The following HEMK2 variants were observed in gnomAD, a reference collection of about 807,000 sequenced individuals.
HEMK2 encodes the protein methyltransferase HEMK2.
chr21:28,601,114 C>T, the HEMK2 span, among the ~76,000 whole-genome samples: 2 of 152,214 alleles, frequency 1.3e-5, no homozygotes, highest in Non-Finnish European at 2.9e-5. Flanking sequence ...TACTTCCAAG[C>T]CACCGGTATC....
the HEMK2 span, chr21:28,879,780 A>G: frequency 3.2e-6 from 3 of 943,058 alleles, no homozygotes; most frequent in South Asian, 6.2e-5. Flanking sequence ...TGATAGCAGC[A>G]GCTGACTGAT....
the HEMK2 span, among the ~76,000 whole-genome samples, chr21:28,788,702 CT>C: frequency 7.2e-6 from 1 of 139,776 alleles, no homozygotes; most frequent in Admixed American, 7.5e-5. Context: ...TCTTTAGGTA[CT>C]CCAAAAAAAA....
At chr21:28,596,960 T>C in the HEMK2 span, among the ~76,000 whole-genome samples, 2 of 152,210 alleles carry the variant, frequency 1.3e-5, no homozygotes, top group Admixed American at 1.3e-4. Flanking sequence ...ATACATAATT[T>C]AGAAAGAATT....
the HEMK2 span, among the ~76,000 whole-genome samples, chr21:28,690,799 C>T: frequency 9.9e-5 from 15 of 152,106 alleles, no homozygotes; most frequent in Non-Finnish European, 1.8e-4. Context: ...GAAATCAACA[C>T]GTCTGTTACT....
At chr21:28,594,503 T>C in the HEMK2 span, among the ~76,000 whole-genome samples, 3 of 152,176 alleles carry the variant, frequency 2.0e-5, no homozygotes, top group Non-Finnish European at 4.4e-5. Flanking sequence ...AATAAAAAAT[T>C]AATTTTTATA....
chr21:28,845,687 ATTTT>A, the HEMK2 span, among the ~76,000 whole-genome samples: 2 of 146,340 alleles, frequency 1.4e-5, no homozygotes, highest in South Asian at 4.2e-4. Context: ...GTAAGTAGAA[ATTTT>A]TTTCTCACTT....
At chr21:28,693,611 C>T in the HEMK2 span, among the ~76,000 whole-genome samples, 1 of 152,156 alleles carries the variant, frequency 6.6e-6, no homozygotes, top group Non-Finnish European at 1.5e-5. Flanking sequence ...CCGCAGCCTG[C>T]CAAAATGAAG....
the HEMK2 span, among the ~76,000 whole-genome samples, chr21:28,627,909 T>G: frequency 6.6e-6 from 1 of 152,186 alleles, no homozygotes; most frequent in Admixed American, 6.5e-5. Context: ...AGTCTCTGAC[T>G]GGTTGCTGGC....
At chr21:28,600,500 T>A in the HEMK2 span, among the ~76,000 whole-genome samples, 3 of 152,172 alleles carry the variant, frequency 2.0e-5, no homozygotes, top group Non-Finnish European at 4.4e-5. Context: ...CCATGAAACC[T>A]TTTTTTCTTC....
the HEMK2 span, among the ~76,000 whole-genome samples, chr21:28,864,032 T>A: frequency 2.6e-5 from 4 of 152,282 alleles, no homozygotes; most frequent in East Asian, 7.8e-4. Flanking sequence ...GGTTTCACCA[T>A]GTTGGCCAGG....
chr21:28,634,413 AT>A, the HEMK2 span, among the ~76,000 whole-genome samples: 1 of 152,048 alleles, frequency 6.6e-6, no homozygotes, highest in Non-Finnish European at 1.5e-5. Context: ...TTTTCTCCCA[AT>A]TTTCCCCAAG....
chr21:28,755,987 C>T, the HEMK2 span, among the ~76,000 whole-genome samples: 1,530 of 152,296 alleles, frequency 0.01, 10 homozygotes, highest in Non-Finnish European at 0.013. Flanking sequence ...CCAATTTTCA[C>T]ATTTCTAAGG....
chr21:28,665,334 C>CTTTTTTTTT, the HEMK2 span, among the ~76,000 whole-genome samples: 5 of 36,688 alleles, frequency 1.4e-4, no homozygotes, highest in Admixed American at 3.9e-4. Context: ...ATTTATATTT[C>CTTTTTTTTT]TTTTTTTTTT....
the HEMK2 span, among the ~76,000 whole-genome samples, chr21:28,783,131 C>T: frequency 1.3e-5 from 2 of 151,982 alleles, no homozygotes; most frequent in South Asian, 2.1e-4. Context: ...GGGATGGGAC[C>T]CAAATCTAAA....
the HEMK2 span, among the ~76,000 whole-genome samples, chr21:28,768,715 C>T: frequency 6.6e-6 from 1 of 151,974 alleles, no homozygotes; most frequent in South Asian, 2.1e-4. Flanking sequence ...AAGGTCATTG[C>T]TCTAAGGTCC....
chr21:28,660,772 T>C, the HEMK2 span, among the ~76,000 whole-genome samples: 1 of 152,008 alleles, frequency 6.6e-6, no homozygotes, highest in Non-Finnish European at 1.5e-5. Flanking sequence ...GATGGCTGAT[T>C]GTTCCCCTAT....
chr21:28,732,901 C>T, the HEMK2 span, among the ~76,000 whole-genome samples: 4 of 152,128 alleles, frequency 2.6e-5, no homozygotes, highest in African/African-American at 9.7e-5. Flanking sequence ...CGGTAATACC[C>T]GGGTACCTCC....
the HEMK2 span, among the ~76,000 whole-genome samples, chr21:28,730,613 C>T: frequency 4.6e-5 from 7 of 152,086 alleles, no homozygotes; most frequent in Non-Finnish European, 1.0e-4. Flanking sequence ...TGAACTGAGG[C>T]CTCAGTTTCT....
the HEMK2 span, among the ~76,000 whole-genome samples, chr21:28,628,872 A>G: frequency 6.6e-6 from 1 of 152,354 alleles, no homozygotes; most frequent in East Asian, 1.9e-4. Context: ...CTCTGGCATT[A>G]ACTGTGTTCA....
Sources: gnomAD v4.1 joint callset for allele counts (sites outside exome capture counted in the v4.1 genomes callset) on GRCh38, gnomAD v4.1.1 for gene constraint, MANE v1.5 for transcripts, NCBI Gene and HGNC (gene_info 2026-07-23, HGNC 2026-07-21) for gene names.